LAMC1: variants seen among roughly 807,000 people sequenced by gnomAD.
The protein encoded by LAMC1 is laminin subunit gamma 1.
LAMC1 carries 38 observed loss-of-function variants against 173.6 expected under a neutral mutation model. The ratio of observed to expected loss-of-function variants is 0.22; its 90% CI spans 0.17 to 0.29. The LOEUF (loss-of-function observed/expected upper bound fraction) is 0.29, where lower values mean the gene tolerates loss of function less well. Among genes scored for constraint, LAMC1 ranks in the 10% least tolerant of loss-of-function variants. The pLI, the probability that LAMC1 is intolerant of heterozygous loss-of-function variation, is 1.00. For missense variants in LAMC1, 1,824 were observed against 2,051.8 expected (o/e 0.89, Z 2.14); for synonymous variants, 746 against 749.1 (o/e 1.00, Z 0.07).
At chr1:183,108,992 G>T (rs1468459562) in intron 3 of LAMC1, among the ~76,000 whole-genome samples, 1 of 152,168 alleles carries the variant, frequency 6.6e-6, no homozygotes, top group Non-Finnish European at 1.5e-5. Flanking sequence ...TGGACATGTT[G>T]TAAGCAGAAG....
chr1:183,123,882 A>AT (rs1292114167), intron 13 of LAMC1, among the ~76,000 whole-genome samples: 1 of 152,208 alleles, frequency 6.6e-6, no homozygotes, highest in African/African-American at 2.4e-5. Flanking sequence ...ATTCCCAGAA[A>AT]TTTGAGTCTA....
At position 183,023,579 on chromosome 1, in the gene LAMC1, GCCGCCA is replaced by G; in HGVS notation, c.-132_-127del. 1.8e-6 allele frequency: 1 copy of G among 570,192 alleles called. No homozygotes were observed. The highest frequency in any genetic ancestry group is 2.4e-6 in the Non-Finnish European group (1 of 420,572). The allele number at this position is 570,192 out of a possible 1,614,324, so 35.3% of individuals were successfully genotyped here. On this transcript the variant is annotated 5_prime_UTR_variant, in exon 1 of 28. Coordinates refer to ENST00000258341, the MANE Select transcript of LAMC1 (RefSeq NM_002293.4). ...CCCGTCAGTCTCTCCGGCGCGAGCC[GCCGCCA>G]CCGCCCGCGCCGGAGTCAGGCCCCT...
intron 1 of LAMC1, among the ~76,000 whole-genome samples, chr1:183,100,399 C>T (rs1388826602): frequency 2.0e-5 from 3 of 152,190 alleles, no homozygotes; most frequent in African/African-American, 7.2e-5. Flanking sequence ...TAAACATGAC[C>T]GTAGCCTGGT....
In LAMC1 at chr1:183,130,401, A is replaced by C; in HGVS notation, c.3338A>C (p.Gln1113Pro). The C allele has an allele frequency of 6.2e-7, 1 of 1,614,238 alleles. No homozygotes were observed. Among genetic ancestry groups the C allele is most frequent in the Non-Finnish European group, 8.5e-7 (1 of 1,180,026 alleles). ...LQRVNNTLSS[Q>P]ISRLQNIRNT... is the part of the protein sequence containing the mutation. The stretch of plus-strand genomic sequence containing the variant: ...AGAGTGAATAACACTCTGTCCAGCC[A>C]AATTAGCCGTTTACAGAATATCCGG... Residue 1113 changes from glutamine to proline, a missense_variant, in exon 19 of 28, where the codon CAA becomes CCA. Transcript: ENST00000258341.
intron 1 of LAMC1, among the ~76,000 whole-genome samples, chr1:183,082,945 G>A (rs12739316): frequency 0.38 from 58,373 of 151,974 alleles, 11,597 homozygotes; most frequent in East Asian, 0.49. Context: ...GGTGGAGCAG[G>A]AGTTCTCTGG....
intron 1 of LAMC1, among the ~76,000 whole-genome samples, chr1:183,074,662 TTATTC>T (rs1266356888): frequency 1.3e-5 from 2 of 152,200 alleles, no homozygotes; most frequent in Non-Finnish European, 1.5e-5. Flanking sequence ...CCTTTTCTCT[TTATTC>T]TATTATGGGA....
intron 3 of LAMC1, among the ~76,000 whole-genome samples, chr1:183,108,999 G>A (rs1029322565): frequency 6.6e-6 from 1 of 152,156 alleles, no homozygotes; most frequent in African/African-American, 2.4e-5. Flanking sequence ...GTTGTAAGCA[G>A]AAGTTTAGAG....
chr1:183,113,068 TGGCAGGATGA>T (rs1656209367), intron 4 of LAMC1, among the ~76,000 whole-genome samples: 1 of 152,186 alleles, frequency 6.6e-6, no homozygotes, highest in Non-Finnish European at 1.5e-5. Flanking sequence ...CCCAGCTACG[TGGCAGGATGA>T]GGCAGAAGGA....
At chr1:183,059,034 C>T (rs1200210539) in intron 1 of LAMC1, among the ~76,000 whole-genome samples, 2 of 152,316 alleles carry the variant, frequency 1.3e-5, no homozygotes, top group African/African-American at 4.8e-5. Context: ...ATATGACAGG[C>T]TCTGTTTTTG....
chr1:183,065,709 A>G (rs1434665431), intron 1 of LAMC1, among the ~76,000 whole-genome samples: 2 of 152,242 alleles, frequency 1.3e-5, no homozygotes, highest in Non-Finnish European at 2.9e-5. Flanking sequence ...TTTTTGAAAC[A>G]TTAATATTTT....
chr1:183,030,595 T>C (rs1210477487), intron 1 of LAMC1, among the ~76,000 whole-genome samples: 1 of 152,100 alleles, frequency 6.6e-6, no homozygotes, highest in African/African-American at 2.4e-5. Context: ...CTGTAATAGC[T>C]AATATTAAAT....
intron 1 of LAMC1, among the ~76,000 whole-genome samples, chr1:183,077,824 T>C (rs948072315): frequency 2.1e-5 from 3 of 142,350 alleles, no homozygotes; most frequent in South Asian, 2.3e-4. Flanking sequence ...TATTCACTCA[T>C]TGATTGATGG....
intron 24 of LAMC1, among the ~76,000 whole-genome samples, chr1:183,136,072 C>T (rs1656930567): frequency 6.6e-6 from 1 of 152,128 alleles, no homozygotes; most frequent in African/African-American, 2.4e-5. Flanking sequence ...GTACCCGACA[C>T]ACAGTAAACA....
chr1:183,030,429 T>G (rs1653820335), intron 1 of LAMC1, among the ~76,000 whole-genome samples: 2 of 152,216 alleles, frequency 1.3e-5, no homozygotes, highest in South Asian at 4.1e-4. Context: ...GGCATAGTGT[T>G]CATAAAAATA....
At position 183,124,658 on chromosome 1, in the gene LAMC1, G is replaced by T; in HGVS notation, c.2429G>T (p.Gly810Val). The T allele has an allele frequency of 6.2e-7, 1 of 1,614,152 alleles. No individual in the cohort carries two copies. Residue 810 changes from glycine to valine, a missense_variant, in exon 14 of 28, where the codon GGC (glycine) becomes GTC (valine). Gly to Val is a moderately radical substitution (Grantham distance 109). Transcript: ENST00000258341. The stretch of plus-strand genomic sequence containing the variant: ...AAGAGATGTGAGCTCTGTGATGATG[G>T]CTACTTTGGAGACCCCCTGGGTAGA... ...TGKRCELCDD[G>V]YFGDPLGRNG...
chr1:183,072,483 C>T (rs910544844), intron 1 of LAMC1, among the ~76,000 whole-genome samples: 4 of 152,166 alleles, frequency 2.6e-5, no homozygotes, highest in African/African-American at 7.2e-5. Context: ...ACTTCTAGAA[C>T]GAATGCCTCA....
At chr1:183,077,581 A>G (rs556824382) in intron 1 of LAMC1, among the ~76,000 whole-genome samples, 2 of 151,634 alleles carry the variant, frequency 1.3e-5, no homozygotes, top group East Asian at 3.9e-4. Context: ...CAAGTCCTCA[A>G]AGTCTATTGT....
intron 1 of LAMC1, among the ~76,000 whole-genome samples, chr1:183,028,163 C>G (rs960866916): frequency 1.4e-4 from 21 of 151,508 alleles, no homozygotes; most frequent in Non-Finnish European, 2.8e-4. Flanking sequence ...TCCCCCCCCC[C>G]ACCTCTTCCA....
At chr1:183,029,003 T>C (rs1653768342) in intron 1 of LAMC1, among the ~76,000 whole-genome samples, 1 of 152,188 alleles carries the variant, frequency 6.6e-6, no homozygotes, top group African/African-American at 2.4e-5. Flanking sequence ...GTATTCCCTA[T>C]CTCAGTGAAC....
Sources: gnomAD v4.1 joint callset for allele counts (sites outside exome capture counted in the v4.1 genomes callset) on GRCh38, gnomAD v4.1.1 for gene constraint, MANE v1.5 for transcripts, NCBI Gene and HGNC (gene_info 2026-07-23, HGNC 2026-07-21) for gene names.